AK7: variants seen among roughly 807,000 people sequenced by gnomAD.
AK7 encodes the protein ATP-AMP transphosphorylase 7.
Under a neutral mutation model 96.6 loss-of-function variants are expected in AK7, and 78 were observed. The ratio of observed to expected loss-of-function variants is 0.81; its 90% CI spans 0.67 to 0.97. AK7 has a LOEUF of 0.97. AK7 is among the 50% of genes least tolerant of loss of function. The pLI is 0.00. For missense variants in AK7, 855 were observed against 887.9 expected (o/e 0.96, Z 0.47); for synonymous variants, 302 against 317.2 (o/e 0.95, Z 0.51).
At chr14:96,393,925 A>G (rs1889900746) in intron 1 of AK7, among the ~76,000 whole-genome samples, 1 of 152,116 alleles carries the variant, frequency 6.6e-6, no homozygotes, top group African/African-American at 2.4e-5. Context: ...CCTGGCCAAC[A>G]TAGTGAAACC....
At chr14:96,412,226 CTTTT>C (rs34331496) in intron 4 of AK7, among the ~76,000 whole-genome samples, 70 of 120,970 alleles carry the variant, frequency 5.8e-4, no homozygotes, top group Middle Eastern at 4.6e-3. Flanking sequence ...TTCTTTCTTT[CTTTT>C]TTTTTTTTTT....
intron 16 of AK7, among the ~76,000 whole-genome samples, chr14:96,485,686 A>T (rs890436917): frequency 5.3e-5 from 8 of 152,012 alleles, no homozygotes; most frequent in Non-Finnish European, 1.2e-4. Flanking sequence ...ACCACACAAA[A>T]GTTTCATGTT....
In AK7 at chr14:96,456,419, T is replaced by C. The variant is rs767472909; in HGVS notation, c.1171T>C (p.Tyr391His). Reference protein sequence around the residue: ...SSIAKELANYYKLHHIQLKDV... With the variant: ...SSIAKELANYHKLHHIQLKDV... ...TATTGCTAAAGAATTGGCCAACTAC[T>C]ACAAACTGCATCACATCCAACTGAA... is the stretch of plus-strand genomic sequence containing the variant. The change falls in exon 11 of 18, where the codon TAC becomes CAC. Residue 391 changes from tyrosine (Y) to histidine (H), a missense_variant. Physicochemically the swap from Tyr to His is moderately conservative, Grantham distance 83. Transcript: ENST00000267584. The C allele has an allele frequency of 2.5e-6, 4 of 1,614,000 alleles. No homozygotes were observed. Among genetic ancestry groups the C allele is most frequent in the Non-Finnish European group, 8.5e-7 (1 of 1,179,904 alleles).
chr14:96,395,950 T>G (rs940547978), intron 1 of AK7, among the ~76,000 whole-genome samples: 7 of 151,720 alleles, frequency 4.6e-5, no homozygotes, highest in African/African-American at 1.7e-4. Flanking sequence ...TAGCTGGGAT[T>G]ACAGGCATGT....
chr14:96,413,045 G>C (rs1891130797), intron 4 of AK7, among the ~76,000 whole-genome samples: 1 of 152,206 alleles, frequency 6.6e-6, no homozygotes, highest in Admixed American at 6.5e-5. Flanking sequence ...ATTGTATTCT[G>C]TAAGTCTGTT....
chr14:96,469,866 A>G lies in AK7; in HGVS notation c.1358-1612A>G, dbSNP rs1034873754. Among the ~76,000 whole-genome samples the G allele has an allele frequency of 2.6e-5, 4 of 152,116 alleles. No individual in the cohort carries two copies. In the East Asian group the frequency reaches 5.8e-4, roughly 22 times the overall value. On this transcript the variant is annotated intron_variant, in intron 12 of 17. Coordinates refer to ENST00000267584, the MANE Select transcript of AK7 (RefSeq NM_152327.5). ...GAGTTTCACTCTTGTTGCCCAGGCT[A>G]GAGTGCAATGGTGCGATCTTGGCTC...
At chr14:96,462,990 A>T (rs1474074976) in intron 12 of AK7, among the ~76,000 whole-genome samples, 2 of 152,088 alleles carry the variant, frequency 1.3e-5, no homozygotes, top group Non-Finnish European at 2.9e-5. Flanking sequence ...ACAAAAAATT[A>T]GCCGGGTGTG....
intron 5 of AK7, among the ~76,000 whole-genome samples, chr14:96,435,724 G>A (rs182886189): frequency 2.6e-5 from 4 of 152,248 alleles, no homozygotes; most frequent in East Asian, 1.9e-4. Context: ...CGCTGATACC[G>A]GAGAGCCCCC....
In AK7 at chr14:96,422,763, G is replaced by A. The variant is rs1213058251; in HGVS notation, c.609+1831G>A. On this transcript the variant is annotated intron_variant, in intron 5 of 17. Coordinates refer to ENST00000267584, the MANE Select transcript of AK7 (RefSeq NM_152327.5). ...TCAGGAGCATTTCATCTTTTATTCT[G>A]TAGCAATAGTTTCAGGGGGTCGCCC... 3.9e-5 allele frequency among the ~76,000 whole-genome samples: 6 copies of A among 152,126 alleles called. No homozygotes were observed. In the East Asian group the frequency reaches 5.8e-4, roughly 15 times the overall value.
intron 4 of AK7, among the ~76,000 whole-genome samples, chr14:96,417,795 CA>C (rs1301346351): frequency 6.6e-6 from 1 of 151,900 alleles, no homozygotes; most frequent in Non-Finnish European, 1.5e-5. Context: ...TCTGATATAT[CA>C]ATAAAAAACA....
chr14:96,450,835 C>T (rs940866431), intron 9 of AK7, among the ~76,000 whole-genome samples: 7 of 134,980 alleles, frequency 5.2e-5, no homozygotes, highest in African/African-American at 1.4e-4. Context: ...AGTGCAGTGG[C>T]GCGATCTCGG....
At chr14:96,466,009 C>CA (rs528356355) in intron 12 of AK7, among the ~76,000 whole-genome samples, 49,974 of 107,448 alleles carry the variant, frequency 0.47, 11,023 homozygotes, top group South Asian at 0.56. Context: ...GACTCCATCT[C>CA]AAAAAAAAAA....
chr14:96,443,312 T>C (rs903989055), intron 7 of AK7, among the ~76,000 whole-genome samples: 1 of 152,208 alleles, frequency 6.6e-6, no homozygotes, highest in African/African-American at 2.4e-5. Context: ...CCAGAAACCC[T>C]TCTCTTCCTT....
rs1893242112 is a variant in AK7, at chr14:96,446,532, C to T, written c.795C>T (p.Val265=). The change falls in exon 8 of 18, where the codon GTC becomes GTT. Residue 265 remains valine (V), a synonymous_variant. Transcript: ENST00000267584. ...GGGTCTGCAGAGTGATACAAAACGT[C>T]ATAGATCACGTGCCAAAGCCTCACT... is the stretch of plus-strand genomic sequence containing the variant. ...VLDLAGVIQN[V]IDHVPKPHYL... 1.9e-6 allele frequency: 3 copies of T among 1,614,032 alleles called. No homozygotes were observed. Among genetic ancestry groups the T allele is most frequent in the Non-Finnish European group, 2.5e-6 (3 of 1,180,020 alleles).
At chr14:96,435,833 G>A (rs761655674) in intron 5 of AK7, among the ~76,000 whole-genome samples, 8 of 152,166 alleles carry the variant, frequency 5.3e-5, no homozygotes, top group Non-Finnish European at 7.3e-5. Context: ...ACAGTGCTGA[G>A]TTCAATGCCT....
At position 96,425,339 on chromosome 14, in the gene AK7, A is replaced by G. The variant is rs560739592; in HGVS notation, c.609+4407A>G. On this transcript the variant is annotated intron_variant, in intron 5 of 17. Coordinates refer to ENST00000267584, the MANE Select transcript of AK7 (RefSeq NM_152327.5). Reference sequence around the variant, plus strand: ...ACATCCTCAGCCAGCACATTCATATACAAGATTACATACACAAAAGGTAGA... The same window carrying G: ...ACATCCTCAGCCAGCACATTCATATGCAAGATTACATACACAAAAGGTAGA... 1.1e-4 allele frequency among the ~76,000 whole-genome samples: 16 copies of G among 152,302 alleles called. No homozygotes were observed. In the South Asian group the frequency reaches 3.1e-3, roughly 30 times the overall value.
intron 12 of AK7, among the ~76,000 whole-genome samples, chr14:96,469,709 C>G (rs1159613459): frequency 6.6e-6 from 1 of 152,044 alleles, no homozygotes; most frequent in Admixed American, 6.6e-5. Flanking sequence ...TTTGTCTTAG[C>G]CATAATATTT....
rs1892000525 is a variant in AK7 at position 96,425,846 on chromosome 14, T to G, written c.609+4914T>G. On this transcript the variant is annotated intron_variant, in intron 5 of 17. Coordinates refer to ENST00000267584, the MANE Select transcript of AK7 (RefSeq NM_152327.5). ...ATAGTGACTCCTGCTTCTTTTTGGT[T>G]TCCATTGGCATGGAATATCTTTTTC... Among the ~76,000 whole-genome samples, 2 of 152,212 alleles carry G rather than the reference T, an allele frequency of 1.3e-5. 1 individual carries two copies. Among genetic ancestry groups the G allele is most frequent in the South Asian group, 4.1e-4 (2 of 4,824 alleles).
intron 15 of AK7, among the ~76,000 whole-genome samples, chr14:96,481,292 G>A (rs1210524989): frequency 6.6e-6 from 1 of 152,026 alleles, no homozygotes; most frequent in Admixed American, 6.6e-5. Context: ...GTGATATCAA[G>A]GTTGTAACTA....
Sources: gnomAD v4.1 joint callset for allele counts (sites outside exome capture counted in the v4.1 genomes callset) on GRCh38, gnomAD v4.1.1 for gene constraint, MANE v1.5 for transcripts, NCBI Gene and HGNC (gene_info 2026-07-23, HGNC 2026-07-21) for gene names.